Variants in OTOGL observed in about 807,000 individuals in gnomAD.
OTOGL encodes the protein otogelin like, also known as otogelin-like protein.
Under a neutral mutation model 318.5 loss-of-function variants are expected in OTOGL, and 285 were observed. The ratio of observed to expected loss-of-function variants is 0.89; its 90% CI spans 0.81 to 0.99. The LOEUF (loss-of-function observed/expected upper bound fraction) is 0.99. OTOGL is among the 50% of genes least tolerant of loss of function. The pLI, the probability that OTOGL is intolerant of heterozygous loss-of-function variation, is 0.00. For synonymous variants in OTOGL, 987 were observed against 936.5 expected (o/e 1.05, Z -0.99); for missense variants, 2,899 against 2,845.6 (o/e 1.02, Z -0.43).
chr12:80,330,170 C>T (rs1241524595), intron 37 of OTOGL, among the ~76,000 whole-genome samples: 2 of 152,116 alleles, frequency 1.3e-5, no homozygotes, highest in Non-Finnish European at 2.9e-5. Context: ...GGGGGCAGGT[C>T]ACAAAGGACT....
intron 9 of OTOGL, among the ~76,000 whole-genome samples, chr12:80,235,120 G>GA (rs145894262): frequency 4.0e-5 from 6 of 149,090 alleles, no homozygotes; most frequent in Non-Finnish European, 4.5e-5. Context: ...AAAGCTTCAC[G>GA]AAAAAAAAAT....
At chr12:80,242,419 T>G (rs1880462627) in intron 11 of OTOGL, among the ~76,000 whole-genome samples, 1 of 152,080 alleles carries the variant, frequency 6.6e-6, no homozygotes, top group Admixed American at 6.6e-5. Context: ...TAAGTGGACG[T>G]TGATAAAATG....
chr12:80,178,313 G>A (rs1366084536), intron 1 of OTOGL, among the ~76,000 whole-genome samples: 2 of 151,726 alleles, frequency 1.3e-5, no homozygotes, highest in South Asian at 2.1e-4. Context: ...CGCCTGCCTC[G>A]ACCTCCCAAA....
chr12:80,219,861 G>T lies in OTOGL; in HGVS notation c.283G>T (p.Gly95Ter), dbSNP rs201264433. The change falls in exon 6 of 59, where the codon GGA (glycine) becomes TGA (stop). Residue 95 changes from glycine (G) to a stop codon, truncating the protein, a stop_gained. Transcript: ENST00000547103. LOFTEE classifies it high-confidence loss of function. ...CLNGAFCSKTGTCDCQIFQAL... is the reference protein window; with the variant it reads ...CLNGAFCSKT ...TAATGGAGCTTTCTGTTCTAAGACT[G>T]GAACATGTGACTGTCAAATATTTCA... The T allele has an allele frequency of 4.4e-6, 7 of 1,594,042 alleles. No individual in the cohort carries two copies. Among genetic ancestry groups the T allele is most frequent in the Non-Finnish European group, 5.1e-6 (6 of 1,176,146 alleles).
intron 52 of OTOGL, among the ~76,000 whole-genome samples, chr12:80,362,027 T>C (rs1053562850): frequency 3.9e-5 from 6 of 152,304 alleles, no homozygotes; most frequent in African/African-American, 1.4e-4. Flanking sequence ...TCTCTACATT[T>C]GGGTTCACAG....
At chr12:80,110,169 G>A (rs951268894) in intron 1 of OTOGL, among the ~76,000 whole-genome samples, 3 of 147,324 alleles carry the variant, frequency 2.0e-5, no homozygotes, top group African/African-American at 5.0e-5. Flanking sequence ...CCAGGTTCAC[G>A]CCATTCTCCT....
intron 37 of OTOGL, among the ~76,000 whole-genome samples, chr12:80,330,087 T>C (rs1176279205): frequency 2.0e-5 from 3 of 152,182 alleles, no homozygotes; most frequent in African/African-American, 4.8e-5. Context: ...GAAGGAATCT[T>C]AAGCAGGTCA....
intron 1 of OTOGL, among the ~76,000 whole-genome samples, chr12:80,122,650 T>G (rs1004704999): frequency 1.3e-5 from 2 of 152,152 alleles, no homozygotes; most frequent in African/African-American, 4.8e-5. Context: ...ATGAGGCACA[T>G]TTCTCTAGTG....
intron 1 of OTOGL, among the ~76,000 whole-genome samples, chr12:80,166,199 C>CTT (rs1288726189): frequency 6.6e-6 from 1 of 150,512 alleles, no homozygotes; most frequent in Non-Finnish European, 1.5e-5. Context: ...TTCTTCCTCT[C>CTT]TCTCTCTCTC....
At position 80,339,165 on chromosome 12, in the gene OTOGL, C is replaced by G; in HGVS notation, c.4951C>G (p.Pro1651Ala). ...DSGSMYVITT[P>A]AGLIIKWSHL... ...TGGTTCAATGTATGTAATTACTACTCCAGCTGGACTAATCATAAAGTGGTC... is the reference window on the plus strand; with the variant it reads ...TGGTTCAATGTATGTAATTACTACTGCAGCTGGACTAATCATAAAGTGGTC... Residue 1651 changes from proline to alanine, a missense_variant, in exon 43 of 59, where the codon CCA becomes GCA. This residue lies in a region of OTOGL where 2,607 missense variants were observed against 2,524.9 expected (regional missense o/e 1.03). Transcript: ENST00000547103. 3 of 1,610,816 alleles carry G rather than the reference C, an allele frequency of 1.9e-6. No homozygotes were observed. The highest frequency in any genetic ancestry group is 2.5e-6 in the Non-Finnish European group (3 of 1,177,176).
intron 1 of OTOGL, among the ~76,000 whole-genome samples, chr12:80,102,358 C>G (rs1869189114): frequency 6.6e-6 from 1 of 152,170 alleles, no homozygotes; most frequent in African/African-American, 2.4e-5. Context: ...TGTGGCTTTT[C>G]CCTCAATGGT....
chr12:80,266,479 C>G lies in OTOGL; in HGVS notation c.2253C>G (p.Tyr751Ter). 1.2e-6 allele frequency: 2 copies of G among 1,613,560 alleles called. No homozygotes were observed. Among genetic ancestry groups the G allele is most frequent in the Non-Finnish European group, 1.7e-6 (2 of 1,179,694 alleles). ...TGGTGTGCCAGAAGGGCATGCTGTACCATCACTGTTCCTCGTTCTGCCTCC... is the reference window on the plus strand; with the variant it reads ...TGGTGTGCCAGAAGGGCATGCTGTAGCATCACTGTTCCTCGTTCTGCCTCC... Reference protein sequence around the residue: ...CAVVCQKGMLYHHCSSFCLHS... With the variant: ...CAVVCQKGML The change falls in exon 21 of 59, where the codon TAC becomes TAG. Residue 751 changes from tyrosine to a stop codon, truncating the protein, a stop_gained. Coordinates refer to ENST00000547103, the MANE Select transcript of OTOGL (RefSeq NM_001378609.3). LOFTEE classifies it high-confidence loss of function.
chr12:80,132,233 T>A (rs1365900887), intron 1 of OTOGL: 1 of 152,250 alleles, frequency 6.6e-6, no homozygotes, highest in East Asian at 1.9e-4. Context: ...TATAGTCTGA[T>A]TATTGTATTA....
intron 1 of OTOGL, chr12:80,132,775 A>G (rs553031495): frequency 2.0e-5 from 3 of 152,184 alleles, no homozygotes; most frequent in Admixed American, 6.5e-5. Context: ...GGGCCACAAC[A>G]CTTTTCAAGA....
chr12:80,294,005 T>A (rs1231600275), intron 26 of OTOGL, among the ~76,000 whole-genome samples: 1 of 152,154 alleles, frequency 6.6e-6, no homozygotes, highest in Middle Eastern at 3.2e-3. Flanking sequence ...CAGTTTCTGT[T>A]TCAGAGTCAT....
intron 8 of OTOGL, among the ~76,000 whole-genome samples, chr12:80,229,947 A>G (rs149198443): frequency 3.3e-5 from 5 of 151,684 alleles, no homozygotes; most frequent in African/African-American, 1.2e-4. Context: ...CAAAAATATG[A>G]CATGAGAATT....
At chr12:80,127,181 G>A (rs1209323025) in intron 1 of OTOGL, among the ~76,000 whole-genome samples, 19 of 152,126 alleles carry the variant, frequency 1.2e-4, no homozygotes, top group African/African-American at 3.1e-4. Context: ...GGCTGGTACC[G>A]GTTTTTCCTT....
At chr12:80,209,576 A>C in intron 2 of OTOGL, 66 bp downstream of exon 2, 3 of 1,132,118 alleles carry the variant, frequency 2.6e-6, no homozygotes, top group Non-Finnish European at 3.7e-6. Flanking sequence ...AATTTATACA[A>C]ATAGTTTTCC....
chr12:80,116,778 C>T (rs997027469), intron 1 of OTOGL, among the ~76,000 whole-genome samples: 1 of 152,174 alleles, frequency 6.6e-6, no homozygotes, highest in Admixed American at 6.5e-5. Context: ...ACTGATTACT[C>T]ACTCTTAATC....
Sources: gnomAD v4.1 joint callset for allele counts (sites outside exome capture counted in the v4.1 genomes callset) on GRCh38, gnomAD v4.1.1 for gene constraint, gnomAD v4.1.1 regional missense constraint, MANE v1.5 for transcripts, NCBI Gene and HGNC (gene_info 2026-07-23, HGNC 2026-07-21) for gene names.